RNLS: variants seen among roughly 807,000 people sequenced by gnomAD.
RNLS encodes the protein renalase, FAD dependent amine oxidase.
Under a neutral mutation model 39.8 loss-of-function variants are expected in RNLS, and 39 were observed. That is an observed-to-expected ratio of 0.98 (90% CI 0.76 to 1.28). The LOEUF (loss-of-function observed/expected upper bound fraction) is 1.28. RNLS is among the 50% of genes most tolerant of loss of function. The pLI, the probability that RNLS is intolerant of heterozygous loss-of-function variation, is 0.00. For missense variants in RNLS, 410 were observed against 413.3 expected, an observed-to-expected ratio of 0.99 and a Z score of 0.07; for synonymous variants, 147 against 150.7, an observed-to-expected ratio of 0.98 and a Z score of 0.18.
At chr10:88,479,928 TTAAA>T (rs1844059230) in intron 4 of RNLS, among the ~76,000 whole-genome samples, 1 of 152,160 alleles carries the variant, frequency 6.6e-6, no homozygotes, top group Non-Finnish European at 1.5e-5. Context: ...CACACTCTTT[TTAAA>T]TAAACTCTTG....
chr10:88,395,031 C>T (rs200205675), intron 4 of RNLS, among the ~76,000 whole-genome samples: 12 of 151,494 alleles, frequency 7.9e-5, no homozygotes, highest in East Asian at 1.9e-4. Context: ...CATCACACAC[C>T]GGGGACTGTT....
intron 4 of RNLS, among the ~76,000 whole-genome samples, chr10:88,564,797 C>T (rs1393335368): frequency 6.6e-6 from 1 of 152,104 alleles, no homozygotes; most frequent in Non-Finnish European, 1.5e-5. Context: ...TCTCTATTCT[C>T]CCAGCTGGGA....
intron 4 of RNLS, among the ~76,000 whole-genome samples, chr10:88,492,409 T>C (rs1329489993): frequency 7.6e-6 from 1 of 132,202 alleles, no homozygotes; most frequent in Non-Finnish European, 1.5e-5. Flanking sequence ...CTTTTTAATT[T>C]TTTTTCTTTT....
At chr10:88,235,204 C>G in the RNLS span, among the ~76,000 whole-genome samples, 1 of 131,128 alleles carries the variant, frequency 7.6e-6, no homozygotes, top group African/African-American at 2.8e-5. Context: ...GGAGGTGGAG[C>G]TTGCAGTGAG....
chr10:88,222,142 G>A, the RNLS span, among the ~76,000 whole-genome samples: 2 of 152,126 alleles, frequency 1.3e-5, no homozygotes, highest in African/African-American at 4.8e-5. Flanking sequence ...TGAAAACTGT[G>A]GCAGGAATTA....
intron 4 of RNLS, among the ~76,000 whole-genome samples, chr10:88,500,075 G>A (rs536599785): frequency 7.5e-4 from 114 of 152,242 alleles, no homozygotes; most frequent in Middle Eastern, 3.4e-3. Context: ...GCAAAGCTCT[G>A]CCTCTAGTTA....
the RNLS span, among the ~76,000 whole-genome samples, chr10:88,216,922 G>A: frequency 7.9e-5 from 12 of 152,306 alleles, 1 homozygote; most frequent in South Asian, 2.5e-3. Context: ...TGGTGTGTGG[G>A]CTGTTGCCCA....
At chr10:88,270,104 G>A (rs2132571272), downstream of RNLS, among the ~76,000 whole-genome samples, 1 of 152,290 alleles carries the variant, frequency 6.6e-6, no homozygotes, top group Admixed American at 6.5e-5. Context: ...AAGCCAGCCG[G>A]GAACATGAGT....
chr10:88,529,620 T>C (rs1228900983), intron 4 of RNLS, among the ~76,000 whole-genome samples: 1 of 152,196 alleles, frequency 6.6e-6, no homozygotes, highest in Non-Finnish European at 1.5e-5. Context: ...ATTACTCATA[T>C]TTAAAATTCA....
At chr10:88,564,770 A>AG (rs1849402206) in intron 4 of RNLS, among the ~76,000 whole-genome samples, 1 of 152,204 alleles carries the variant, frequency 6.6e-6, no homozygotes, top group South Asian at 2.1e-4. Context: ...GAGGGTCACA[A>AG]TATGATACAT....
At chr10:88,269,138 A>G (rs1226016073), downstream of RNLS, among the ~76,000 whole-genome samples, 1 of 152,226 alleles carries the variant, frequency 6.6e-6, no homozygotes, top group East Asian at 1.9e-4. Context: ...GGAGAAAGCA[A>G]TATAATGCAA....
At chr10:88,368,191 C>T (rs1365963259) in intron 4 of RNLS, among the ~76,000 whole-genome samples, 2 of 151,748 alleles carry the variant, frequency 1.3e-5, no homozygotes, top group Admixed American at 1.3e-4. Flanking sequence ...TTCCTATTGG[C>T]TTTGAAAGGT....
intron 4 of RNLS, among the ~76,000 whole-genome samples, chr10:88,539,610 TCATGCAGCCTCTG>T (rs1156764815): frequency 6.6e-6 from 1 of 152,106 alleles, no homozygotes; most frequent in Non-Finnish European, 1.5e-5. Flanking sequence ...CCATAGCATC[TCATGCAGCCTCTG>T]GAACCACAGT....
chr10:88,253,830 TG>T, the RNLS span, among the ~76,000 whole-genome samples: 1 of 152,074 alleles, frequency 6.6e-6, no homozygotes, highest in Non-Finnish European at 1.5e-5. Context: ...TTTGTCCCCC[TG>T]GGGCGTGGAC....
At chr10:88,282,524 C>G (rs895669628), downstream of RNLS, among the ~76,000 whole-genome samples, 4 of 130,814 alleles carry the variant, frequency 3.1e-5, no homozygotes, top group African/African-American at 1.2e-4. Flanking sequence ...CACACACACA[C>G]ACGCTTGGAT....
At chr10:88,383,994 C>A (rs1354663836) in intron 4 of RNLS, among the ~76,000 whole-genome samples, 3 of 151,952 alleles carry the variant, frequency 2.0e-5, no homozygotes, top group Non-Finnish European at 2.9e-5. Flanking sequence ...CATCAGTAGA[C>A]CTATATTATA....
At chr10:88,578,015 A>G (rs1363271935) in intron 3 of RNLS, among the ~76,000 whole-genome samples, 1 of 152,196 alleles carries the variant, frequency 6.6e-6, no homozygotes, top group Non-Finnish European at 1.5e-5. Context: ...CTAGATTCCA[A>G]AATATAGAGT....
chr10:88,442,949 A>G (rs1841807485), intron 4 of RNLS, among the ~76,000 whole-genome samples: 1 of 152,112 alleles, frequency 6.6e-6, no homozygotes, highest in Admixed American at 6.5e-5. Flanking sequence ...TGAACTTGGT[A>G]TTTCCCCTTA....
chr10:88,328,581 C>T (rs1215626437), intron 5 of RNLS, among the ~76,000 whole-genome samples: 2 of 152,030 alleles, frequency 1.3e-5, no homozygotes, highest in Non-Finnish European at 2.9e-5. Context: ...TCCATTTTCC[C>T]CTTCTACTAT....
Sources: gnomAD v4.1 joint callset for allele counts (sites outside exome capture counted in the v4.1 genomes callset) on GRCh38, gnomAD v4.1.1 for gene constraint, MANE v1.5 for transcripts, NCBI Gene and HGNC (gene_info 2026-07-23, HGNC 2026-07-21) for gene names.